CSMD1: variants seen among roughly 807,000 people sequenced by gnomAD.
CSMD1 encodes CUB and Sushi multiple domains 1.
In CSMD1, 213 loss-of-function variants were observed where a neutral mutation model predicts 417.5. The observed-to-expected ratio is 0.51, with a 90% CI of 0.46 to 0.57. The LOEUF is 0.57. Among genes scored for constraint, CSMD1 ranks in the 20% least tolerant of loss-of-function variants. The pLI is 0.00. For missense variants in CSMD1, 6,923 were observed against 4,529.7 expected (o/e 1.53, Z -15.17); for synonymous variants, 2,862 against 1,736.8 (o/e 1.65, Z -16.11).
intron 5 of CSMD1, among the ~76,000 whole-genome samples, chr8:3,894,014 A>G (rs1228442028): frequency 6.6e-6 from 1 of 151,206 alleles, no homozygotes; most frequent in Non-Finnish European, 1.5e-5. Flanking sequence ...ATAATGTAAA[A>G]CTCCCATAAA....
chr8:4,262,085 G>GA (rs1803926895), intron 3 of CSMD1, among the ~76,000 whole-genome samples: 1 of 152,088 alleles, frequency 6.6e-6, no homozygotes, highest in Non-Finnish European at 1.5e-5. Flanking sequence ...AACCTCTAAA[G>GA]TTAGTCACTA....
At chr8:4,545,132 G>C (rs577808980) in intron 2 of CSMD1, among the ~76,000 whole-genome samples, 2 of 152,162 alleles carry the variant, frequency 1.3e-5, no homozygotes, top group Non-Finnish European at 2.9e-5. Flanking sequence ...AAGAGCACAG[G>C]TTTTAAAGTG....
chr8:4,106,375 C>G (rs1195831045), intron 3 of CSMD1, among the ~76,000 whole-genome samples: 1 of 152,162 alleles, frequency 6.6e-6, no homozygotes, highest in Non-Finnish European at 1.5e-5. Context: ...CATTCAATTA[C>G]AATGCTGCAT....
At chr8:3,560,023 G>C (rs1243802762) in intron 10 of CSMD1, among the ~76,000 whole-genome samples, 1 of 152,136 alleles carries the variant, frequency 6.6e-6, no homozygotes, top group Non-Finnish European at 1.5e-5. Flanking sequence ...AAGGGATTTA[G>C]TGTGGAGGGA....
intron 6 of CSMD1, among the ~76,000 whole-genome samples, chr8:3,735,054 G>A (rs1459140569): frequency 1.3e-5 from 2 of 152,196 alleles, no homozygotes; most frequent in Non-Finnish European, 2.9e-5. Flanking sequence ...TGATATGAAT[G>A]TGGACATGGG....
intron 10 of CSMD1, among the ~76,000 whole-genome samples, chr8:3,528,975 A>G (rs575779119): frequency 6.6e-6 from 1 of 152,224 alleles, no homozygotes; most frequent in Non-Finnish European, 1.5e-5. Context: ...GACAGTTGAT[A>G]TACATTTATA....
chr8:3,668,413 G>T (rs1798815324), intron 7 of CSMD1, among the ~76,000 whole-genome samples: 1 of 152,106 alleles, frequency 6.6e-6, no homozygotes. Context: ...AGATAACTCA[G>T]GTAGCTACAG....
At chr8:4,867,030 G>C (rs1373576509) in intron 1 of CSMD1, among the ~76,000 whole-genome samples, 1 of 151,836 alleles carries the variant, frequency 6.6e-6, no homozygotes. Flanking sequence ...CTTTGATTGC[G>C]TTTTTGTTTT....
At chr8:3,173,599 A>G (rs1057226963) in intron 37 of CSMD1, among the ~76,000 whole-genome samples, 1 of 152,236 alleles carries the variant, frequency 6.6e-6, no homozygotes, top group Non-Finnish European at 1.5e-5. Context: ...GAGGCAATGA[A>G]GATTAGTTAT....
chr8:4,980,115 T>C (rs1489820531), intron 1 of CSMD1, among the ~76,000 whole-genome samples: 1 of 152,214 alleles, frequency 6.6e-6, no homozygotes, highest in Non-Finnish European at 1.5e-5. Context: ...AAATAAATTA[T>C]CGTTACTTCC....
intron 49 of CSMD1, among the ~76,000 whole-genome samples, chr8:3,063,882 CCA>C (rs200211025): frequency 0.011 from 1,650 of 152,196 alleles, 33 homozygotes; most frequent in African/African-American, 0.037. Flanking sequence ...TTAGAATAGT[CCA>C]CCAGAGATGG....
At chr8:4,847,574 T>C (rs1460666994) in intron 1 of CSMD1, among the ~76,000 whole-genome samples, 1 of 152,174 alleles carries the variant, frequency 6.6e-6, no homozygotes, top group Admixed American at 6.5e-5. Context: ...GTCCATACTC[T>C]ATTCAGATTC....
intron 25 of CSMD1, among the ~76,000 whole-genome samples, chr8:3,293,479 C>G (rs575421116): frequency 4.6e-5 from 7 of 152,156 alleles, no homozygotes; most frequent in Non-Finnish European, 8.8e-5. Flanking sequence ...GACGTAGATT[C>G]GGTCTTTTCA....
At chr8:3,377,980 G>A (rs932725523) in intron 18 of CSMD1, among the ~76,000 whole-genome samples, 2 of 152,136 alleles carry the variant, frequency 1.3e-5, no homozygotes, top group African/African-American at 4.8e-5. Context: ...TGCCGTCATG[G>A]CCTGGAGCAA....
chr8:3,426,292 T>C (rs1164743425), intron 12 of CSMD1, among the ~76,000 whole-genome samples: 1 of 152,222 alleles, frequency 6.6e-6, no homozygotes, highest in Non-Finnish European at 1.5e-5. Flanking sequence ...TTCTTGATCA[T>C]CAATTTTTTT....
At chr8:4,406,491 G>C (rs1303849098) in intron 3 of CSMD1, among the ~76,000 whole-genome samples, 4 of 152,108 alleles carry the variant, frequency 2.6e-5, no homozygotes, top group African/African-American at 7.2e-5. Context: ...AATTAGATGG[G>C]AACAAGGAAT....
intron 1 of CSMD1, among the ~76,000 whole-genome samples, chr8:4,705,560 C>CT: frequency 6.6e-6 from 1 of 152,276 alleles, no homozygotes; most frequent in East Asian, 1.9e-4. Flanking sequence ...CGGCATATTT[C>CT]TTTTTTGACT....
chr8:4,394,965 T>C (rs1234537156), intron 3 of CSMD1, among the ~76,000 whole-genome samples: 2 of 151,884 alleles, frequency 1.3e-5, no homozygotes, highest in Non-Finnish European at 2.9e-5. Flanking sequence ...AAGGGAAGAG[T>C]TAATTCACAG....
chr8:4,474,129 T>C (rs1452632937), intron 2 of CSMD1, among the ~76,000 whole-genome samples: 1 of 152,026 alleles, frequency 6.6e-6, no homozygotes, highest in East Asian at 1.9e-4. Flanking sequence ...AGATTGAAAA[T>C]GATAAATTTG....
Sources: allele counts gnomAD v4.1 joint callset (sites outside exome capture counted in the v4.1 genomes callset), GRCh38; gene constraint gnomAD v4.1.1; transcripts MANE v1.5; gene names NCBI Gene and HGNC (gene_info 2026-07-23, HGNC 2026-07-21).